The following ATAD1 variants were observed in gnomAD, a reference collection of about 807,000 sequenced individuals.
The protein encoded by ATAD1 is ATPase family AAA domain containing 1, also known as outer mitochondrial transmembrane helix translocase.
Under a neutral mutation model 42.7 loss-of-function variants are expected in ATAD1, and 18 were observed. That is an observed-to-expected ratio of 0.42 (90% CI 0.29 to 0.63). The LOEUF is 0.63. Among genes scored for constraint, ATAD1 ranks in the 20% least tolerant of loss-of-function variants. ATAD1 has a pLI of 0.19. For missense variants in ATAD1, 294 were observed against 440.4 expected (o/e 0.67, Z 2.98); for synonymous variants, 132 against 143.1 (o/e 0.92, Z 0.55).
chr10:87,817,820 T>G (rs759701651), intron 1 of ATAD1: 3 of 985,468 alleles, frequency 3.0e-6, no homozygotes, highest in Non-Finnish European at 3.6e-6. Context: ...CGCCTTCGTC[T>G]AGGTTCGCCT....
intron 3 of ATAD1, among the ~76,000 whole-genome samples, chr10:87,791,359 G>A (rs567859906): frequency 2.0e-5 from 3 of 152,130 alleles, no homozygotes; most frequent in Admixed American, 6.6e-5. Context: ...GCTGGAGTTG[G>A]GGCCAATCAG....
In ATAD1 at chr10:87,771,058, G is replaced by A. The variant is rs776954010; in HGVS notation, c.691-17C>T. On this transcript the variant is annotated splice_polypyrimidine_tract_variant and intron_variant, in intron 6 of 9. Coordinates refer to ENST00000680024, the MANE Select transcript of ATAD1 (RefSeq NM_001321967.2). ...TACTATGACCTAAGTGTATAAAGAA[G>A]ACAGAAGGTATTAAATCTACCAATT... The A allele has an allele frequency of 6.3e-7, 1 of 1,592,234 alleles. No individual in the cohort carries two copies. Among genetic ancestry groups the A allele is most frequent in the Admixed American group, 1.7e-5 (1 of 59,808 alleles).
intron 8 of ATAD1, among the ~76,000 whole-genome samples, chr10:87,758,273 C>G (rs776406817): frequency 6.6e-4 from 100 of 151,778 alleles, no homozygotes; most frequent in Middle Eastern, 3.4e-3. Flanking sequence ...TACATAGGTA[C>G]CACTAAAGGA....
chr10:87,770,324 C>A (rs868844455), intron 7 of ATAD1, among the ~76,000 whole-genome samples: 2 of 152,154 alleles, frequency 1.3e-5, no homozygotes, highest in African/African-American at 4.8e-5. Context: ...AGTCTGAAGG[C>A]AGACAGAATT....
chr10:87,829,234 A>ATTTTATTATTTAT (rs33913276), intron 1 of ATAD1, among the ~76,000 whole-genome samples: 1 of 142,966 alleles, frequency 7.0e-6, no homozygotes, highest in Non-Finnish European at 1.5e-5. Context: ...TATTTTATTT[A>ATTTTATTATTTAT]TTATTTATTT....
At chr10:87,817,086 G>T (rs1254294241) in intron 1 of ATAD1, among the ~76,000 whole-genome samples, 1 of 152,098 alleles carries the variant, frequency 6.6e-6, no homozygotes, top group African/African-American at 2.4e-5. Context: ...GTCTACTAAG[G>T]CCACTTGTAA....
At chr10:87,831,311 C>A (rs889977471) in intron 1 of ATAD1, among the ~76,000 whole-genome samples, 1 of 152,170 alleles carries the variant, frequency 6.6e-6, no homozygotes, top group Non-Finnish European at 1.5e-5. Context: ...TTCAGAGAAC[C>A]CTTCAGTGTT....
intron 5 of ATAD1, among the ~76,000 whole-genome samples, chr10:87,782,982 G>A (rs1372436749): frequency 6.7e-6 from 1 of 148,596 alleles, no homozygotes; most frequent in African/African-American, 2.5e-5. Flanking sequence ...ATGACAGAGC[G>A]TGAAAAAAAA....
chr10:87,828,381 C>G (rs780821558), intron 1 of ATAD1, among the ~76,000 whole-genome samples: 1 of 152,226 alleles, frequency 6.6e-6, no homozygotes, highest in Non-Finnish European at 1.5e-5. Flanking sequence ...GGTAGAAGAT[C>G]TAACCAACCA....
Position 87,835,976 on chromosome 10 carries a change from T to G in ATAD1, c.-14+5211A>C, listed in dbSNP as rs117778942. Among the ~76,000 whole-genome samples, 322 of 152,322 alleles carry G rather than the reference T, an allele frequency of 2.1e-3. 7 individuals are homozygous for G. In the East Asian group the frequency reaches 0.057, roughly 27 times the overall value. On this transcript the variant is annotated intron_variant, in intron 1 of 4. Transcript: ENST00000495903. ...TTTATGTTGCAGTTGTCTTATGTATTGCATTTACATACACTGAAAACCCCA... is the reference window on the plus strand; with the variant it reads ...TTTATGTTGCAGTTGTCTTATGTATGGCATTTACATACACTGAAAACCCCA...
At chr10:87,780,183 A>G (rs1855500141) in intron 5 of ATAD1, among the ~76,000 whole-genome samples, 1 of 152,192 alleles carries the variant, frequency 6.6e-6, no homozygotes, top group South Asian at 2.1e-4. Context: ...TTAAATGCAT[A>G]TTGCTAAGGG....
At chr10:87,808,392 A>G (rs1399877283) in intron 2 of ATAD1, among the ~76,000 whole-genome samples, 1 of 152,178 alleles carries the variant, frequency 6.6e-6, no homozygotes, top group South Asian at 2.1e-4. Flanking sequence ...TCCTAATCAT[A>G]AAGAGAATGT....
At chr10:87,800,500 G>T (rs1455851100) in intron 2 of ATAD1, among the ~76,000 whole-genome samples, 1 of 151,952 alleles carries the variant, frequency 6.6e-6, no homozygotes, top group East Asian at 1.9e-4. Context: ...GGCAGTGCAG[G>T]TCTTTTCTGT....
At chr10:87,759,840 C>A (rs1854400452) in intron 8 of ATAD1, 1 of 441,180 alleles carries the variant, frequency 2.3e-6, no homozygotes, top group Non-Finnish European at 4.6e-6. Flanking sequence ...TTAAATAAAA[C>A]AATGTATAGC....
At chr10:87,802,143 A>G (rs1333501889) in intron 2 of ATAD1, among the ~76,000 whole-genome samples, 1 of 152,224 alleles carries the variant, frequency 6.6e-6, no homozygotes, top group Non-Finnish European at 1.5e-5. Context: ...TAAGTGCAAT[A>G]AGAATCTGTT....
chr10:87,781,774 C>T (rs1449872414), intron 5 of ATAD1, among the ~76,000 whole-genome samples: 1 of 152,022 alleles, frequency 6.6e-6, no homozygotes, highest in Non-Finnish European at 1.5e-5. Context: ...TCCCAAGTAG[C>T]TGGGACTAGA....
intron 1 of ATAD1, among the ~76,000 whole-genome samples, chr10:87,816,560 T>C (rs1422206203): frequency 6.6e-6 from 1 of 152,146 alleles, no homozygotes; most frequent in Non-Finnish European, 1.5e-5. Context: ...TGTCCGGCTA[T>C]TATATTAATT....
chr10:87,833,276 GTTGTTCA>G (rs1397117066), intron 1 of ATAD1, among the ~76,000 whole-genome samples: 1 of 152,150 alleles, frequency 6.6e-6, no homozygotes, highest in Non-Finnish European at 1.5e-5. Context: ...TTAGTTTCCA[GTTGTTCA>G]TTGCTGGTAT....
At chr10:87,839,344 G>A (rs144398229) in intron 1 of ATAD1, among the ~76,000 whole-genome samples, 89 of 152,272 alleles carry the variant, frequency 5.8e-4, no homozygotes, top group Admixed American at 2.0e-3. Context: ...TGAGAAGCTT[G>A]CCTCAAAGAG....
Sources: allele counts gnomAD v4.1 joint callset (sites outside exome capture counted in the v4.1 genomes callset), GRCh38; gene constraint gnomAD v4.1.1; transcripts MANE v1.5; gene names NCBI Gene and HGNC (gene_info 2026-07-23, HGNC 2026-07-21).